CDH4: variants seen among roughly 807,000 people sequenced by gnomAD.
The protein encoded by CDH4 is cadherin-4.
Under a neutral mutation model 86.0 loss-of-function variants are expected in CDH4, and 33 were observed. The ratio of observed to expected loss-of-function variants is 0.38; its 90% CI spans 0.29 to 0.51. The LOEUF (loss-of-function observed/expected upper bound fraction) is 0.51, where lower values mean the gene tolerates loss of function less well. Ranked by LOEUF, CDH4 falls within the 20% of genes least tolerant of loss-of-function variation. CDH4 has a pLI of 0.86. For missense variants in CDH4, 1,114 were observed against 1,307.4 expected (o/e 0.85, Z 2.28); for synonymous variants, 555 against 549.4 (o/e 1.01, Z -0.14).
At chr20:61,801,527 G>A (rs1406700899) in intron 4 of CDH4, among the ~76,000 whole-genome samples, 1 of 152,306 alleles carries the variant, frequency 6.6e-6, no homozygotes. Context: ...CACAAACCAG[G>A]TGGCAGAGAA....
At chr20:61,739,693 G>C (rs1240372662) in intron 2 of CDH4, among the ~76,000 whole-genome samples, 1 of 152,218 alleles carries the variant, frequency 6.6e-6, no homozygotes, top group African/African-American at 2.4e-5. Flanking sequence ...AGCGGGCTTG[G>C]AGCCCAGGCC....
chr20:61,428,628 G>A (rs2085227670), intron 2 of CDH4, among the ~76,000 whole-genome samples: 2 of 152,228 alleles, frequency 1.3e-5, no homozygotes, highest in African/African-American at 4.8e-5. Context: ...CAGGTGTGCT[G>A]ATGATAGGAG....
intron 7 of CDH4, among the ~76,000 whole-genome samples, chr20:61,881,477 G>A (rs1431677855): frequency 1.3e-5 from 2 of 152,234 alleles, no homozygotes; most frequent in Admixed American, 6.5e-5. Flanking sequence ...AACATGAACC[G>A]TGGCCAGGAT....
intron 2 of CDH4, among the ~76,000 whole-genome samples, chr20:61,596,560 G>T (rs2086558871): frequency 6.6e-6 from 1 of 152,198 alleles, no homozygotes; most frequent in African/African-American, 2.4e-5. Flanking sequence ...GGTGGTGGAA[G>T]ATCAGGGGCA....
In CDH4 at chr20:61,556,981, G is replaced by A. The variant is rs181413346; in HGVS notation, c.170-186582G>A. Among the ~76,000 whole-genome samples, 478 of 152,198 alleles carry A rather than the reference G, an allele frequency of 3.1e-3. 4 individuals carry two copies. The highest frequency in any genetic ancestry group is 0.015 in the Admixed American group (233 of 15,280). The stretch of plus-strand genomic sequence containing the variant: ...CTGGAGATGGATTTTCAATTTAATC[G>A]AAAGAAAAGCTTCTCTCTGGGGCTT... On this transcript the variant is annotated intron_variant, in intron 2 of 15. Coordinates refer to ENST00000614565, the MANE Select transcript of CDH4 (RefSeq NM_001794.5).
chr20:61,328,571 C>T (rs1188724194), intron 2 of CDH4, among the ~76,000 whole-genome samples: 1 of 152,140 alleles, frequency 6.6e-6, no homozygotes. Context: ...ATTGCTTGAG[C>T]CCAGGAGTTC....
chr20:61,802,550 G>C (rs1365332286), intron 4 of CDH4, among the ~76,000 whole-genome samples: 2 of 149,624 alleles, frequency 1.3e-5, no homozygotes, highest in African/African-American at 2.4e-5. Context: ...CTTACTTGGG[G>C]AAAAAAAAAA....
chr20:61,622,217 C>T (rs989850150), intron 2 of CDH4, among the ~76,000 whole-genome samples: 6 of 152,222 alleles, frequency 3.9e-5, no homozygotes, highest in Admixed American at 3.9e-4. Flanking sequence ...ATTTAAGGTG[C>T]CACCGCCTCC....
chr20:61,714,789 T>C (rs897468455), intron 2 of CDH4, among the ~76,000 whole-genome samples: 9 of 152,330 alleles, frequency 5.9e-5, no homozygotes, highest in African/African-American at 2.2e-4. Context: ...ATATGCTACA[T>C]TTTCCTTATT....
rs566061617 is a variant in CDH4 at position 61,928,332 on chromosome 20, T to C, written c.1914T>C (p.Ala638=). The change falls in exon 12 of 16, where the codon GCT becomes GCC. Residue 638 remains alanine, a synonymous_variant. Coordinates refer to ENST00000614565, the MANE Select transcript of CDH4 (RefSeq NM_001794.5). The part of the protein sequence containing the change: ...LNAINITAAD[A]DVDPNIGPYV... Reference sequence around the variant, plus strand: ...CCATCAACATCACGGCGGCCGACGCTGACGTCGACCCCAACATCGGCCCCT... The same window carrying C: ...CCATCAACATCACGGCGGCCGACGCCGACGTCGACCCCAACATCGGCCCCT... 3.1e-6 allele frequency: 5 copies of C among 1,611,020 alleles called. No individual in the cohort carries two copies. The highest frequency in any genetic ancestry group is 2.5e-6 in the Non-Finnish European group (3 of 1,180,002).
At chr20:61,901,131 C>T (rs866399316) in intron 8 of CDH4, among the ~76,000 whole-genome samples, 1 of 149,260 alleles carries the variant, frequency 6.7e-6, no homozygotes, top group African/African-American at 2.5e-5. Flanking sequence ...CCCAAAAGCC[C>T]AAAAAGGGGT....
At chr20:61,368,831 T>C (rs908091748) in intron 2 of CDH4, among the ~76,000 whole-genome samples, 1 of 152,158 alleles carries the variant, frequency 6.6e-6, no homozygotes, top group Admixed American at 6.5e-5. Context: ...TGGTATTTTG[T>C]TGTAGCAACC....
intron 2 of CDH4, among the ~76,000 whole-genome samples, chr20:61,344,626 G>A (rs1352047728): frequency 6.6e-6 from 1 of 152,182 alleles, no homozygotes; most frequent in Non-Finnish European, 1.5e-5. Context: ...GTAAGCCATT[G>A]TGTTTCCCTG....
intron 2 of CDH4, among the ~76,000 whole-genome samples, chr20:61,632,432 G>C (rs2086897483): frequency 6.6e-6 from 1 of 152,190 alleles, no homozygotes; most frequent in African/African-American, 2.4e-5. Flanking sequence ...GCCAGGATAA[G>C]TGTGACCCTT....
intron 4 of CDH4, among the ~76,000 whole-genome samples, chr20:61,836,807 G>C (rs1981900835): frequency 6.6e-6 from 1 of 152,192 alleles, no homozygotes; most frequent in African/African-American, 2.4e-5. Flanking sequence ...CATCAACCTG[G>C]AAGAATCTCA....
At position 61,844,895 on chromosome 20, in the gene CDH4, G is replaced by A; in HGVS notation, c.732+72G>A. 8 of 1,464,744 alleles carry A rather than the reference G, an allele frequency of 5.5e-6. No homozygotes were observed. The South Asian group carries it at 1.0e-4, about 19-fold the overall frequency. The allele number at this position is 1,464,744 out of a possible 1,614,324, so 90.7% of individuals were successfully genotyped here. On this transcript the variant is annotated intron_variant, in intron 5 of 15. Transcript: ENST00000614565. ...CCAGCCCTACCAGGCCTTGGCAGGTGCCCCCAGCAGGGCCATGCCTGCCCT... is the reference window on the plus strand; with the variant it reads ...CCAGCCCTACCAGGCCTTGGCAGGTACCCCCAGCAGGGCCATGCCTGCCCT...
At chr20:61,322,428 G>C (rs1568797104) in intron 2 of CDH4, among the ~76,000 whole-genome samples, 2 of 152,188 alleles carry the variant, frequency 1.3e-5, no homozygotes, top group African/African-American at 2.4e-5. Flanking sequence ...TGCAGTATCT[G>C]AGCCGCCTCC....
chr20:61,920,226 CGG>C (rs2054960077), intron 9 of CDH4, among the ~76,000 whole-genome samples: 3 of 123,740 alleles, frequency 2.4e-5, no homozygotes, highest in South Asian at 5.4e-4. Flanking sequence ...CATGGTGTCA[CGG>C]TGATTGCATG....
At chr20:61,892,988 G>A (rs1462243220) in intron 7 of CDH4, among the ~76,000 whole-genome samples, 1 of 147,916 alleles carries the variant, frequency 6.8e-6, no homozygotes. Flanking sequence ...ATGGGTGGAT[G>A]GGTGAGTAGA....
Sources: allele counts gnomAD v4.1 joint callset (sites outside exome capture counted in the v4.1 genomes callset), GRCh38; gene constraint gnomAD v4.1.1; transcripts MANE v1.5; gene names NCBI Gene and HGNC (gene_info 2026-07-23, HGNC 2026-07-21).